The following ASIC2 variants were observed in gnomAD, a reference collection of about 807,000 sequenced individuals.
The protein encoded by ASIC2 is acid sensing ion channel subunit 2, also known as acid-sensing ion channel 2.
ASIC2 carries 25 observed loss-of-function variants against 57.3 expected under a neutral mutation model. That is an observed-to-expected ratio of 0.44 (90% CI 0.32 to 0.61). ASIC2 has a LOEUF of 0.61. ASIC2 is among the 20% of genes least tolerant of loss of function. ASIC2 has a pLI of 0.06. For missense variants in ASIC2, 641 were observed against 738.1 expected, an observed-to-expected ratio of 0.87 and a Z score of 1.52; for synonymous variants, 319 against 307.5, an observed-to-expected ratio of 1.04 and a Z score of -0.39.
At chr17:33,025,055 A>G (rs948452969) in intron 5 of ASIC2, among the ~76,000 whole-genome samples, 2 of 152,010 alleles carry the variant, frequency 1.3e-5, no homozygotes, top group Non-Finnish European at 2.9e-5. Context: ...CTTTGCACAC[A>G]TCAGAAGTCA....
intron 2 of ASIC2, among the ~76,000 whole-genome samples, chr17:33,105,762 G>A (rs2092232166): frequency 6.6e-6 from 1 of 152,200 alleles, no homozygotes; most frequent in African/African-American, 2.4e-5. Context: ...CAGTGACATG[G>A]ACAATGAAGT....
intron 1 of ASIC2, among the ~76,000 whole-genome samples, chr17:33,592,466 G>T (rs971317089): frequency 6.6e-6 from 1 of 152,230 alleles, no homozygotes; most frequent in Admixed American, 6.5e-5. Flanking sequence ...CTTAGAGGGG[G>T]TCAGCATTGT....
chr17:33,372,267 G>C (rs934444636), intron 1 of ASIC2, among the ~76,000 whole-genome samples: 2 of 151,992 alleles, frequency 1.3e-5, no homozygotes, highest in African/African-American at 4.8e-5. Context: ...TAGGTAGCTG[G>C]TGTTAGCACA....
intron 1 of ASIC2, among the ~76,000 whole-genome samples, chr17:34,075,755 G>A (rs1360422045): frequency 6.6e-6 from 1 of 151,218 alleles, no homozygotes; most frequent in Non-Finnish European, 1.5e-5. Context: ...CTTTGCACCG[G>A]CTGTTATCTT....
At chr17:33,725,305 C>T (rs1909511703) in intron 1 of ASIC2, among the ~76,000 whole-genome samples, 1 of 152,152 alleles carries the variant, frequency 6.6e-6, no homozygotes, top group Non-Finnish European at 1.5e-5. Flanking sequence ...AAGGGCTCAG[C>T]TTAAAGGAAG....
chr17:33,964,282 T>G (rs1273198407), intron 1 of ASIC2, among the ~76,000 whole-genome samples: 2 of 152,188 alleles, frequency 1.3e-5, no homozygotes, highest in Non-Finnish European at 2.9e-5. Context: ...CTGACCAGGT[T>G]AGCAGAGCAG....
chr17:34,115,609 G>T (rs891007633), intron 1 of ASIC2, among the ~76,000 whole-genome samples: 1 of 152,086 alleles, frequency 6.6e-6, no homozygotes, highest in Non-Finnish European at 1.5e-5. Flanking sequence ...TTCTATTCTT[G>T]TGTGGCTTGG....
intron 1 of ASIC2, among the ~76,000 whole-genome samples, chr17:34,123,118 GAGA>G (rs1182612127): frequency 1.3e-5 from 2 of 152,132 alleles, no homozygotes; most frequent in African/African-American, 4.8e-5. Flanking sequence ...CCCAGCCTAT[GAGA>G]AGAAGGTAGA....
At chr17:34,037,896 C>T in intron 1 of ASIC2, 1 of 1,613,820 alleles carries the variant, frequency 6.2e-7, no homozygotes, top group South Asian at 1.1e-5. Context: ...TGGTTATGGC[C>T]AAAAGGCTTC....
At chr17:33,727,048 C>A (rs757284298) in intron 1 of ASIC2, among the ~76,000 whole-genome samples, 5 of 152,154 alleles carry the variant, frequency 3.3e-5, no homozygotes, top group Non-Finnish European at 5.9e-5. Flanking sequence ...AGGTTTTGGT[C>A]ATTACACATT....
At chr17:33,657,342 C>T (rs1907108901) in intron 1 of ASIC2, among the ~76,000 whole-genome samples, 1 of 152,170 alleles carries the variant, frequency 6.6e-6, no homozygotes, top group African/African-American at 2.4e-5. Flanking sequence ...CCTTTCTCCC[C>T]AGGCCTGACC....
chr17:33,068,728 GCTTTTT>G (rs1293515363), intron 3 of ASIC2, among the ~76,000 whole-genome samples: 1 of 152,112 alleles, frequency 6.6e-6, no homozygotes, highest in East Asian at 1.9e-4. Flanking sequence ...GATAACTTGT[GCTTTTT>G]CTTTTTCTGA....
intron 1 of ASIC2, among the ~76,000 whole-genome samples, chr17:33,623,880 C>T (rs1016081853): frequency 6.6e-6 from 1 of 152,078 alleles, no homozygotes; most frequent in African/African-American, 2.4e-5. Context: ...AAGGCTCCAG[C>T]CCCCCACCTT....
intron 1 of ASIC2, among the ~76,000 whole-genome samples, chr17:33,451,289 C>G (rs1351661758): frequency 6.6e-6 from 1 of 152,150 alleles, no homozygotes; most frequent in Non-Finnish European, 1.5e-5. Flanking sequence ...CTCCTGACCT[C>G]AAATGATCTG....
chr17:33,712,636 C>CTT lies in ASIC2; in HGVS notation c.555+443340_555+443341dup, dbSNP rs60673332. Reference sequence around the variant, plus strand: ...TTTGCTTCCAAGCTTACTCATATGGCTTTTTTTTTTTTTTTTTTTTTTTTT... The same window carrying CTT: ...TTTGCTTCCAAGCTTACTCATATGGCTTTTTTTTTTTTTTTTTTTTTTTTTTT... On this transcript the variant is annotated intron_variant, in intron 1 of 9. Coordinates refer to the ASIC2 transcript ENST00000359872. 1.6e-3 allele frequency among the ~76,000 whole-genome samples: 102 copies of CTT among 63,640 alleles called. 6 individuals are homozygous for CTT. Among genetic ancestry groups the CTT allele is most frequent in the Admixed American group, 2.6e-3 (11 of 4,292 alleles). 41.8% of individuals were successfully genotyped at this position (63,640 alleles called of 152,430 possible).
At chr17:33,469,916 T>C (rs1912988183) in intron 1 of ASIC2, among the ~76,000 whole-genome samples, 1 of 152,042 alleles carries the variant, frequency 6.6e-6, no homozygotes, top group African/African-American at 2.4e-5. Flanking sequence ...TTATGGTAGG[T>C]GTTATAGGAA....
chr17:34,145,411 C>A (rs1912389687), intron 1 of ASIC2, among the ~76,000 whole-genome samples: 1 of 152,174 alleles, frequency 6.6e-6, no homozygotes, highest in African/African-American at 2.4e-5. Flanking sequence ...GAAATAAAGA[C>A]TCTCAGAGTT....
chr17:33,579,111 C>T (rs999528859), intron 1 of ASIC2, among the ~76,000 whole-genome samples: 57 of 151,998 alleles, frequency 3.8e-4, no homozygotes, highest in Non-Finnish European at 2.6e-4. Flanking sequence ...ATGGTGAAAC[C>T]CCGTCTCTAC....
chr17:33,501,871 T>G (rs971519519), intron 1 of ASIC2, among the ~76,000 whole-genome samples: 3 of 152,118 alleles, frequency 2.0e-5, no homozygotes, highest in African/African-American at 4.8e-5. Context: ...TGTGGAGGGC[T>G]GGGGTAAGGG....
Sources: allele counts gnomAD v4.1 joint callset (sites outside exome capture counted in the v4.1 genomes callset), GRCh38; gene constraint gnomAD v4.1.1; transcripts MANE v1.5; gene names NCBI Gene and HGNC (gene_info 2026-07-23, HGNC 2026-07-21).